The following MGAT4A variants were observed in gnomAD, a reference collection of about 807,000 sequenced individuals.
The protein encoded by MGAT4A is N-acetylglucosaminyltransferase IVa.
In MGAT4A, 33 loss-of-function variants were observed where a neutral mutation model predicts 74.1. That is an observed-to-expected ratio of 0.45 (90% CI 0.34 to 0.60). MGAT4A has a LOEUF of 0.60. Among genes scored for constraint, MGAT4A ranks in the 20% least tolerant of loss-of-function variants. The pLI is 0.02. For synonymous variants in MGAT4A, 198 were observed against 210.4 expected (o/e 0.94, Z 0.51); for missense variants, 479 against 628.3 (o/e 0.76, Z 2.54).
At chr2:98,681,762 G>T (rs1343942051) in intron 2 of MGAT4A, among the ~76,000 whole-genome samples, 1 of 151,924 alleles carries the variant, frequency 6.6e-6, no homozygotes, top group Non-Finnish European at 1.5e-5. Context: ...AGACCACCCT[G>T]GGCAACATGG....
At chr2:98,645,278 T>TACA (rs1197848705) in intron 9 of MGAT4A, 150 bp downstream of exon 9, 6 of 536,274 alleles carry the variant, frequency 1.1e-5, no homozygotes, top group Non-Finnish European at 1.6e-5. Flanking sequence ...CATCATGTCA[T>TACA]ACAAAGAGGT....
chr2:98,625,364 C>G lies in MGAT4A; in HGVS notation c.*202G>C. On this transcript the variant is annotated 3_prime_UTR_variant, in exon 16 of 16. Transcript: ENST00000393487. ...TGTCATAATTGAAAAATGTTTGAGT[C>G]AAGTTAAAATCTGAGGACAGCTTAG... 1 of 1,366,902 alleles carries G rather than the reference C, an allele frequency of 7.3e-7. No homozygotes were observed. Among genetic ancestry groups the G allele is most frequent in the Non-Finnish European group, 9.5e-7 (1 of 1,057,264 alleles). The allele number at this position is 1,366,902 out of a possible 1,614,324, so 84.7% of individuals were successfully genotyped here. A position where few individuals can be genotyped will look rare whatever the true frequency, so the allele number is the denominator to read the frequency against.
chr2:98,625,005 C>T lies in MGAT4A; in HGVS notation c.*561G>A. On this transcript the variant is annotated 3_prime_UTR_variant, in exon 16 of 16. Coordinates refer to ENST00000393487, the MANE Select transcript of MGAT4A (RefSeq NM_012214.3). ...CATTGGTTTGTAATGTTTGCATTTC[C>T]AAAGAAAAATATAGAAAGAACTTAA... The T allele has an allele frequency of 1.0e-6, 1 of 983,904 alleles. No individual in the cohort carries two copies. Among genetic ancestry groups the T allele is most frequent in the Non-Finnish European group, 1.2e-6 (1 of 828,652 alleles). The allele number at this position is 983,904 out of a possible 1,614,324, so 60.9% of individuals were successfully genotyped here.
At chr2:98,730,715 G>A (rs990959744) in intron 1 of MGAT4A, among the ~76,000 whole-genome samples, 87 of 150,534 alleles carry the variant, frequency 5.8e-4, no homozygotes, top group African/African-American at 2.0e-3. Context: ...ACCAGGCGCC[G>A]AGCCGGCCGC....
chr2:98,700,839 C>T (rs1192798865), intron 2 of MGAT4A, among the ~76,000 whole-genome samples: 4 of 148,566 alleles, frequency 2.7e-5, no homozygotes, highest in East Asian at 3.9e-4. Flanking sequence ...TGCAGTGAGC[C>T]GAGATCGCGC....
intron 1 of MGAT4A, 132 bp downstream of exon 1, chr2:98,730,916 A>T (rs866940806): frequency 2.1e-5 from 3 of 144,918 alleles, no homozygotes; most frequent in African/African-American, 5.0e-5. Context: ...CTTTACCAGC[A>T]GGTGGATCTC....
At chr2:98,655,829 C>A in intron 7 of MGAT4A, 1 of 210,296 alleles carries the variant, frequency 4.8e-6, no homozygotes, top group Non-Finnish European at 9.4e-6. Flanking sequence ...TCATAAGAGG[C>A]ACAAAAATAT....
chr2:98,619,572 T>C lies in MGAT4A; in HGVS notation c.*5994A>G, dbSNP rs1211902647. On this transcript the variant is annotated 3_prime_UTR_variant, in exon 16 of 16. Coordinates refer to ENST00000393487, the MANE Select transcript of MGAT4A (RefSeq NM_012214.3). ...TTTCTAAATCTTTCTTAGAAAACAT[T>C]ACTGCCTACACTGAAATGAAAAGTA... The C allele has an allele frequency of 2.0e-5, 3 of 152,226 alleles. No homozygotes were observed. Among genetic ancestry groups the C allele is most frequent in the East Asian group, 3.8e-4 (2 of 5,202 alleles). The allele number at this position is 152,226 out of a possible 1,614,324, so 9.4% of individuals were successfully genotyped here.
At chr2:98,680,102 G>A (rs564262187) in intron 2 of MGAT4A, among the ~76,000 whole-genome samples, 215 of 143,792 alleles carry the variant, frequency 1.5e-3, no homozygotes, top group African/African-American at 4.3e-3. Context: ...GTACAGTGGC[G>A]CGATCTCGGC....
intron 2 of MGAT4A, among the ~76,000 whole-genome samples, chr2:98,688,577 A>T (rs1039837318): frequency 5.9e-5 from 9 of 152,252 alleles, no homozygotes; most frequent in African/African-American, 2.2e-4. Flanking sequence ...TGAAGAAGTA[A>T]ACAACTAAAC....
intron 2 of MGAT4A, among the ~76,000 whole-genome samples, chr2:98,682,476 A>G (rs1465417451): frequency 1.3e-5 from 2 of 151,872 alleles, no homozygotes; most frequent in Non-Finnish European, 2.9e-5. Context: ...CATAGCAATA[A>G]CTGACTCAGG....
chr2:98,635,312 T>C, intron 13 of MGAT4A, 24 bp from the exon 14 acceptor site: 2 of 1,542,060 alleles, frequency 1.3e-6, no homozygotes, highest in South Asian at 2.3e-5. Context: ...AAAGCATTAA[T>C]TTCAAAAATA....
chr2:98,624,321 C>T lies in MGAT4A; in HGVS notation c.*1245G>A. 1.0e-6 allele frequency: 1 copy of T among 974,626 alleles called. No individual in the cohort carries two copies. Among genetic ancestry groups the T allele is most frequent in the Non-Finnish European group, 1.2e-6 (1 of 820,142 alleles). The allele number at this position is 974,626 out of a possible 1,614,324, so 60.4% of individuals were successfully genotyped here. Reference sequence around the variant, plus strand: ...GCCACAGCGCCTGGTGATAATTCATCATTTTTTAAAAGTACTTTTATAAAG... The same window carrying T: ...GCCACAGCGCCTGGTGATAATTCATTATTTTTTAAAAGTACTTTTATAAAG... On this transcript the variant is annotated 3_prime_UTR_variant, in exon 16 of 16. Transcript: ENST00000393487.
At chr2:98,641,914 G>A (rs1701417106) in intron 10 of MGAT4A, among the ~76,000 whole-genome samples, 1 of 151,464 alleles carries the variant, frequency 6.6e-6, no homozygotes, top group East Asian at 1.9e-4. Flanking sequence ...AGAATCGCTT[G>A]AACCTGGGGG....
intron 4 of MGAT4A, among the ~76,000 whole-genome samples, chr2:98,672,973 G>A (rs759636330): frequency 2.6e-5 from 4 of 151,966 alleles, no homozygotes; most frequent in African/African-American, 9.7e-5. Flanking sequence ...TAAGTCATTC[G>A]TGGTACTAAT....
intron 4 of MGAT4A, among the ~76,000 whole-genome samples, chr2:98,670,030 C>CT (rs1390540465): frequency 8.5e-5 from 13 of 152,218 alleles, no homozygotes; most frequent in African/African-American, 3.1e-4. Flanking sequence ...CACTGAGACT[C>CT]TGGAGTTGTT....
intron 4 of MGAT4A, among the ~76,000 whole-genome samples, chr2:98,667,320 C>T (rs377439640): frequency 4.6e-5 from 7 of 152,046 alleles, no homozygotes; most frequent in African/African-American, 9.7e-5. Context: ...TACCTGAAAA[C>T]GTGGAAGTGA....
Position 98,621,920 on chromosome 2 carries a change from T to A in MGAT4A, c.*3646A>T. The A allele has an allele frequency of 1.0e-6, 1 of 996,912 alleles. No individual in the cohort carries two copies. The highest frequency in any genetic ancestry group is 1.2e-6 in the Non-Finnish European group (1 of 837,236). The allele number at this position is 996,912 out of a possible 1,614,324, so 61.8% of individuals were successfully genotyped here. A position where few individuals can be genotyped will look rare whatever the true frequency, so the allele number is the denominator to read the frequency against. ...CACTTTGTTCAAGGGTATTCAACCA[T>A]CTCCAATTGTTGAACAAATACACAC... On this transcript the variant is annotated 3_prime_UTR_variant, in exon 16 of 16. Coordinates refer to ENST00000393487, the MANE Select transcript of MGAT4A (RefSeq NM_012214.3).
At chr2:98,703,563 A>C (rs958074119) in intron 2 of MGAT4A, among the ~76,000 whole-genome samples, 5 of 152,170 alleles carry the variant, frequency 3.3e-5, no homozygotes. Context: ...AGGCAGAGGA[A>C]TCTCTGAAAA....
Sources: gnomAD v4.1 joint callset for allele counts (sites outside exome capture counted in the v4.1 genomes callset) on GRCh38, gnomAD v4.1.1 for gene constraint, MANE v1.5 for transcripts, NCBI Gene and HGNC (gene_info 2026-07-23, HGNC 2026-07-21) for gene names.